The following EPB41 variants were observed in gnomAD, a reference collection of about 807,000 sequenced individuals.
EPB41 encodes erythrocyte membrane protein band 4.1, also known as protein 4.1.
A neutral mutation model predicts 108.0 loss-of-function variants in EPB41; 65 were observed. That is an observed-to-expected ratio of 0.60 (90% confidence interval 0.49 to 0.74). EPB41 has a LOEUF of 0.74. Among genes scored for constraint, EPB41 ranks in the 30% least tolerant of loss-of-function variants. EPB41 has a pLI of 0.00. For missense variants in EPB41, 875 were observed against 1,037.0 expected, an observed-to-expected ratio of 0.84 and a Z score of 2.15; for synonymous variants, 336 against 358.9, an observed-to-expected ratio of 0.94 and a Z score of 0.72.
chr1:28,916,406 C>T (rs1474544328), intron 1 of EPB41, among the ~76,000 whole-genome samples: 4 of 152,092 alleles, frequency 2.6e-5, no homozygotes, highest in Non-Finnish European at 4.4e-5. Context: ...GAGGCCAAGG[C>T]GGGTGGATCA....
chr1:29,111,099 GGAGGTTGCAGT>G (rs1668996438), intron 18 of EPB41, among the ~76,000 whole-genome samples: 2 of 151,542 alleles, frequency 1.3e-5, no homozygotes, highest in South Asian at 4.2e-4. Flanking sequence ...CCCAAGAGGC[GGAGGTTGCAGT>G]GAGCTAAGAT....
rs1335672498 is a variant in EPB41 at position 29,030,478 on chromosome 1, T to C, written c.1203T>C (p.His401=). ...TGTCTATGTATGGAGTTGATCTTCA[T>C]AAAGCAAAGGTAATGATAACTTTGC... ...KKLSMYGVDL[H]KAKDLEGVDI... Residue 401 remains histidine, a synonymous_variant, in exon 8 of 21, where the codon CAT becomes CAC. Transcript: ENST00000343067. 4 of 1,613,260 alleles carry C rather than the reference T, an allele frequency of 2.5e-6. No homozygotes were observed. The highest frequency in any genetic ancestry group is 3.4e-6 in the Non-Finnish European group (4 of 1,179,328).
chr1:29,109,435 A>G lies in EPB41; in HGVS notation c.2413A>G (p.Lys805Glu). ...CAGCACCACCACAACTCAAATTACC[A>G]AGGTAACAGACCAGCTAGAACCTCT... Reference protein sequence around the residue: ...PSSTTTTQITKTVKGGISETR... With the variant: ...PSSTTTTQITETVKGGISETR... Residue 805 changes from lysine to glutamate, a missense_variant and splice_region_variant, in exon 18 of 21, where the codon AAG becomes GAG. By Grantham distance (56) the Lys-to-Glu change is moderately conservative (BLOSUM62 1). Coordinates refer to ENST00000343067, the MANE Select transcript of EPB41 (RefSeq NM_001376013.1). 6.2e-7 allele frequency: 1 copy of G among 1,613,758 alleles called. No homozygotes were observed. The highest frequency in any genetic ancestry group is 8.5e-7 in the Non-Finnish European group (1 of 1,179,694).
chr1:28,982,240 C>T (rs950056845), intron 1 of EPB41: 57 of 434,780 alleles, frequency 1.3e-4, no homozygotes, highest in African/African-American at 5.9e-4. Flanking sequence ...TTTTTTATGG[C>T]TGCTTCTTTT....
intron 1 of EPB41, among the ~76,000 whole-genome samples, chr1:28,932,463 T>C (rs1162611432): frequency 6.6e-6 from 1 of 151,030 alleles, no homozygotes; most frequent in Non-Finnish European, 1.5e-5. Context: ...AAGCTGCTGC[T>C]TTTTCTCCTT....
At chr1:28,992,125 A>T (rs577408759) in intron 2 of EPB41, among the ~76,000 whole-genome samples, 27 of 152,302 alleles carry the variant, frequency 1.8e-4, no homozygotes, top group African/African-American at 6.0e-4. Context: ...GCGGGCATAG[A>T]TAGATAGGAT....
intron 1 of EPB41, among the ~76,000 whole-genome samples, chr1:28,980,223 A>G (rs2095705071): frequency 6.6e-6 from 1 of 152,164 alleles, no homozygotes; most frequent in Admixed American, 6.5e-5. Context: ...TTGTAGTTTC[A>G]GCTACTTAGG....
At chr1:29,003,376 A>G (rs1414812691) in intron 4 of EPB41, among the ~76,000 whole-genome samples, 6 of 152,218 alleles carry the variant, frequency 3.9e-5, no homozygotes, top group Non-Finnish European at 7.3e-5. Context: ...TTGCACAGTC[A>G]GTTTACTCCT....
chr1:28,935,917 CA>C (rs35063100), intron 1 of EPB41, among the ~76,000 whole-genome samples: 44,324 of 119,670 alleles, frequency 0.37, 7,604 homozygotes, highest in African/African-American at 0.55. Flanking sequence ...GACTCTGTTT[CA>C]AAAAAAAAAA....
intron 3 of EPB41, 77 bp downstream of exon 3, chr1:28,993,619 C>A: frequency 7.4e-7 from 1 of 1,342,288 alleles, no homozygotes; most frequent in Non-Finnish European, 1.1e-6. Context: ...GGTGATTTTG[C>A]CCACGATAAG....
chr1:29,019,611 G>A (rs534653079), intron 7 of EPB41, among the ~76,000 whole-genome samples: 1 of 152,298 alleles, frequency 6.6e-6, no homozygotes, highest in East Asian at 1.9e-4. Context: ...AGGTTGCAAA[G>A]TTCCAAAGGA....
intron 1 of EPB41, among the ~76,000 whole-genome samples, chr1:28,951,504 A>G (rs1012963225): frequency 2.0e-5 from 3 of 152,182 alleles, no homozygotes; most frequent in Non-Finnish European, 4.4e-5. Flanking sequence ...TACTAAGGGA[A>G]TTTGGCCTAG....
intron 1 of EPB41, among the ~76,000 whole-genome samples, chr1:28,960,871 A>G (rs2095182659): frequency 2.0e-5 from 3 of 151,882 alleles, no homozygotes; most frequent in Admixed American, 6.6e-5. Flanking sequence ...CATCTCTACT[A>G]AAAATACAAA....
intron 1 of EPB41, among the ~76,000 whole-genome samples, chr1:28,929,763 A>G (rs1557703244): frequency 8.0e-6 from 1 of 125,366 alleles, no homozygotes; most frequent in Non-Finnish European, 1.6e-5. Context: ...CGAACTCCTG[A>G]CCTCAGATGA....
At chr1:29,021,311 G>A (rs1432704283) in intron 7 of EPB41, among the ~76,000 whole-genome samples, 3 of 152,170 alleles carry the variant, frequency 2.0e-5, no homozygotes, top group Non-Finnish European at 2.9e-5. Context: ...AATCAAGGCA[G>A]TTGGAGCAAA....
chr1:29,035,770 C>A, intron 9 of EPB41, 56 bp from the exon 10 acceptor site: 1 of 1,256,880 alleles, frequency 8.0e-7, no homozygotes, highest in Non-Finnish European at 1.2e-6. Context: ...TCACTGTAAT[C>A]TGGTACTGTA....
chr1:29,019,083 T>G (rs1213501906), intron 7 of EPB41, among the ~76,000 whole-genome samples: 1 of 152,082 alleles, frequency 6.6e-6, no homozygotes, highest in East Asian at 1.9e-4. Context: ...TGATGGAGAT[T>G]ATCACCTCAG....
At chr1:28,893,243 A>G (rs157227) in intron 1 of EPB41, 106,064 of 151,712 alleles carry the variant, frequency 0.7, 37,397 homozygotes, top group East Asian at 0.91. Context: ...CCTAATTTTC[A>G]TATTTTTTGT....
At chr1:28,968,105 T>C (rs2095407281) in intron 1 of EPB41, among the ~76,000 whole-genome samples, 2 of 152,068 alleles carry the variant, frequency 1.3e-5, no homozygotes, top group Admixed American at 1.3e-4. Context: ...ACGCCTGTAA[T>C]CCCAGCACTT....
Sources: allele counts gnomAD v4.1 joint callset (sites outside exome capture counted in the v4.1 genomes callset), GRCh38; gene constraint gnomAD v4.1.1; transcripts MANE v1.5; gene names NCBI Gene and HGNC (gene_info 2026-07-23, HGNC 2026-07-21).